Variants in ZFAT observed in about 807,000 individuals in gnomAD.
ZFAT encodes zinc finger protein ZFAT.
Under a neutral mutation model 117.7 loss-of-function variants are expected in ZFAT, and 64 were observed. The ratio of observed to expected loss-of-function variants is 0.54; its 90% CI spans 0.44 to 0.67. The LOEUF (loss-of-function observed/expected upper bound fraction) is 0.67. Ranked by LOEUF, ZFAT falls within the 30% of genes least tolerant of loss-of-function variation. The pLI, the probability that ZFAT is intolerant of heterozygous loss-of-function variation, is 0.00. For synonymous variants in ZFAT, 679 were observed against 615.0 expected, an observed-to-expected ratio of 1.10 and a Z score of -1.54; for missense variants, 1,433 against 1,584.5, an observed-to-expected ratio of 0.90 and a Z score of 1.62.
chr8:134,643,342 T>C (rs1256700709), intron 2 of ZFAT, among the ~76,000 whole-genome samples: 1 of 152,216 alleles, frequency 6.6e-6, no homozygotes, highest in Non-Finnish European at 1.5e-5. Context: ...ACAGAAATAA[T>C]ATACTTTGAC....
In ZFAT at chr8:134,478,542, C is replaced by A; in HGVS notation, c.3672G>T (p.Val1224=). ...CCTCCACAGGCTGCATGGCCTCCTG[C>A]ACGTAGACGATGAACTCCGAGGCCT... is the stretch of plus-strand genomic sequence containing the variant. ...GGEASEFIVY[V]QEAMQPVEEQ... The change falls in exon 16 of 16, where the codon GTG becomes GTT. Residue 1224 remains valine, a synonymous_variant. Coordinates refer to ENST00000377838, the MANE Select transcript of ZFAT (RefSeq NM_020863.4). This position sits in a 1 kb window ranked among gnomAD's most constrained non-coding sequence, Gnocchi z 5.2. The A allele has an allele frequency of 6.3e-7, 1 of 1,593,428 alleles. No individual in the cohort carries two copies. The highest frequency in any genetic ancestry group is 8.5e-7 in the Non-Finnish European group (1 of 1,170,612).
chr8:134,680,140 C>T (rs1833002857), intron 1 of ZFAT, among the ~76,000 whole-genome samples: 2 of 150,718 alleles, frequency 1.3e-5, no homozygotes, highest in Admixed American at 1.3e-4. Flanking sequence ...TGCATGCCTA[C>T]AGTCCCAGCT....
At chr8:134,742,430 CAG>C in the ZFAT span, among the ~76,000 whole-genome samples, 1 of 152,214 alleles carries the variant, frequency 6.6e-6, no homozygotes, top group African/African-American at 2.4e-5. Context: ...TCTCCCATCT[CAG>C]AGGAAACTTT....
At chr8:134,640,316 A>G (rs1230890339) in intron 2 of ZFAT, among the ~76,000 whole-genome samples, 1 of 152,232 alleles carries the variant, frequency 6.6e-6, no homozygotes, top group Non-Finnish European at 1.5e-5. Context: ...TGTGGCTGGT[A>G]TCAGGAGTCT....
intron 1 of ZFAT, among the ~76,000 whole-genome samples, chr8:134,687,433 TTTAAG>T (rs1833375711): frequency 1.3e-5 from 2 of 152,298 alleles, no homozygotes; most frequent in Middle Eastern, 3.4e-3. Context: ...CATAAATTCT[TTTAAG>T]TTATTTTTAA....
At chr8:134,555,898 G>A (rs1823556824) in intron 11 of ZFAT, among the ~76,000 whole-genome samples, 1 of 150,450 alleles carries the variant, frequency 6.6e-6, no homozygotes, top group African/African-American at 2.4e-5. Flanking sequence ...TGCTACATGG[G>A]AGGCTGAGGC....
intron 10 of ZFAT, among the ~76,000 whole-genome samples, chr8:134,580,145 A>C (rs1825618284): frequency 6.6e-6 from 1 of 152,084 alleles, no homozygotes; most frequent in South Asian, 2.1e-4. Flanking sequence ...AAGAGGGTAT[A>C]CCTATCCCAG....
At position 134,645,028 on chromosome 8, in the gene ZFAT, A is replaced by T. The variant is rs567498046; in HGVS notation, c.197-7316T>A. On this transcript the variant is annotated intron_variant, in intron 2 of 15. Coordinates refer to ENST00000377838, the MANE Select transcript of ZFAT (RefSeq NM_020863.4). ...ACATGGGATCACACACACGAGAATGAGCTTGGTCCATTAGGAAATTTCTTC... is the reference window on the plus strand; with the variant it reads ...ACATGGGATCACACACACGAGAATGTGCTTGGTCCATTAGGAAATTTCTTC... Among the ~76,000 whole-genome samples the T allele has an allele frequency of 5.9e-5, 9 of 152,266 alleles. No homozygotes were observed. The East Asian group carries it at 1.7e-3, about 29-fold the overall frequency.
chr8:134,816,670 A>T, the ZFAT span, among the ~76,000 whole-genome samples: 1 of 152,186 alleles, frequency 6.6e-6, no homozygotes, highest in Non-Finnish European at 1.5e-5. Context: ...AACTAGCATC[A>T]ATCAGAAACT....
chr8:134,483,282 G>C (rs1817445753), intron 15 of ZFAT, among the ~76,000 whole-genome samples: 1 of 152,052 alleles, frequency 6.6e-6, no homozygotes, highest in Non-Finnish European at 1.5e-5. Context: ...TTACAAATGG[G>C]GACACTGAAG....
intron 6 of ZFAT, 133 bp from the exon 7 acceptor site, chr8:134,600,801 T>C (rs1361515169): frequency 1.4e-6 from 1 of 716,524 alleles, no homozygotes; most frequent in Non-Finnish European, 2.2e-6. Flanking sequence ...TTCATACTTT[T>C]CACCACATTT....
chr8:134,545,394 C>T (rs1822615958), intron 11 of ZFAT, among the ~76,000 whole-genome samples: 1 of 151,958 alleles, frequency 6.6e-6, no homozygotes, highest in African/African-American at 2.4e-5. Context: ...ACACGTCCTC[C>T]TGGTAGTCCC....
At chr8:134,508,741 A>T (rs956427639) in intron 15 of ZFAT, among the ~76,000 whole-genome samples, 1 of 152,206 alleles carries the variant, frequency 6.6e-6, no homozygotes, top group South Asian at 2.1e-4. Context: ...TCTCTCCTAG[A>T]TCCCAGCAAC....
At chr8:134,520,043 G>T (rs1056987069) in intron 13 of ZFAT, among the ~76,000 whole-genome samples, 3 of 152,020 alleles carry the variant, frequency 2.0e-5, no homozygotes, top group African/African-American at 7.3e-5. Flanking sequence ...CATATGTTGT[G>T]GATTCTGTTT....
At chr8:134,724,210 G>A in the ZFAT span, among the ~76,000 whole-genome samples, 2 of 152,214 alleles carry the variant, frequency 1.3e-5, no homozygotes, top group African/African-American at 4.8e-5. Flanking sequence ...CCATCTTGGA[G>A]GGTGATGGCA....
At chr8:134,592,831 C>A (rs28450354) in intron 7 of ZFAT, among the ~76,000 whole-genome samples, 1 of 152,070 alleles carries the variant, frequency 6.6e-6, no homozygotes, top group Non-Finnish European at 1.5e-5. Context: ...ACATTAAAAA[C>A]CAAAACCAAA....
At chr8:134,691,030 T>C (rs1833558118) in intron 1 of ZFAT, among the ~76,000 whole-genome samples, 1 of 152,272 alleles carries the variant, frequency 6.6e-6, no homozygotes, top group Non-Finnish European at 1.5e-5. Context: ...ACTCTTGCTG[T>C]TGGAAAGGAC....
the ZFAT span, among the ~76,000 whole-genome samples, chr8:134,802,239 C>G: frequency 6.6e-6 from 1 of 152,096 alleles, no homozygotes; most frequent in Non-Finnish European, 1.5e-5. Context: ...TCTGAAACAG[C>G]CTTATTTTAA....
At chr8:134,584,116 A>C in intron 9 of ZFAT, 111 bp from the exon 10 acceptor site, 1 of 1,178,104 alleles carries the variant, frequency 8.5e-7, no homozygotes, top group Non-Finnish European at 1.2e-6. Flanking sequence ...AGATATGTAT[A>C]TATAAAACAT....
Sources: gnomAD v4.1 joint callset for allele counts (sites outside exome capture counted in the v4.1 genomes callset) on GRCh38, gnomAD v4.1.1 for gene constraint, Gnocchi (gnomAD v3.1) non-coding constraint, MANE v1.5 for transcripts, NCBI Gene and HGNC (gene_info 2026-07-23, HGNC 2026-07-21) for gene names.